CELF2: variants seen among roughly 807,000 people sequenced by gnomAD.
CELF2 encodes CUGBP Elav-like family member 2, also known as CUG triplet repeat RNA-binding protein 2.
In CELF2, 8 loss-of-function variants were observed where a neutral mutation model predicts 62.6. That is an observed-to-expected ratio of 0.13 (90% CI 0.07 to 0.23). The LOEUF is 0.23. CELF2 is among the 10% of genes least tolerant of loss of function. CELF2 has a pLI of 1.00. For missense variants in CELF2, 333 were observed against 671.0 expected, an observed-to-expected ratio of 0.50 and a Z score of 5.56; for synonymous variants, 258 against 250.0, an observed-to-expected ratio of 1.03 and a Z score of -0.30.
intron 1 of CELF2, among the ~76,000 whole-genome samples, chr10:10,879,698 T>C (rs374847800): frequency 6.6e-6 from 1 of 152,220 alleles, no homozygotes; most frequent in African/African-American, 2.4e-5. Context: ...TACCTTGTAT[T>C]ATTGTGCCTT....
At chr10:10,664,874 C>T in the CELF2 span, among the ~76,000 whole-genome samples, 32 of 152,110 alleles carry the variant, frequency 2.1e-4, no homozygotes, top group Non-Finnish European at 4.1e-4. Flanking sequence ...ATTTTGCAAT[C>T]GCAAAGAGGT....
intron 1 of CELF2, among the ~76,000 whole-genome samples, chr10:10,849,148 G>C (rs2059210129): frequency 6.6e-6 from 1 of 151,816 alleles, no homozygotes; most frequent in African/African-American, 2.4e-5. Flanking sequence ...TGTAATTCCA[G>C]CACTTTGGAA....
the CELF2 span, among the ~76,000 whole-genome samples, chr10:10,628,113 A>G: frequency 6.6e-6 from 1 of 152,018 alleles, no homozygotes; most frequent in Non-Finnish European, 1.5e-5. Context: ...GTGTTGGCCA[A>G]GCTGGTCTCA....
the CELF2 span, among the ~76,000 whole-genome samples, chr10:10,534,101 T>C: frequency 2.0e-5 from 3 of 146,678 alleles, no homozygotes; most frequent in Non-Finnish European, 4.5e-5. Context: ...TTGAGAGTAA[T>C]CAAAAAAGAT....
At chr10:11,197,025 A>AAAGAAGGAAGGAAGG in intron 2 of CELF2, among the ~76,000 whole-genome samples, 1 of 26,130 alleles carries the variant, frequency 3.8e-5, no homozygotes, top group African/African-American at 1.8e-4. Flanking sequence ...AGAAAGAAAG[A>AAAGAAGGAAGGAAGG]AAAGAAAGAA....
At position 11,290,760 on chromosome 10, in the gene CELF2, G is replaced by A. The variant is rs550133708; in HGVS notation, c.976+2208G>A. On this transcript the variant is annotated intron_variant, in intron 9 of 12. Transcript: ENST00000633077. The surrounding 1 kb of genome is among the most constrained non-coding windows in gnomAD (Gnocchi z 4.3). ...TCTTGCCCTTCAGAACACGCCGCTC[G>A]CTTAGGTGTCACTGAGAGCGATTTT... 7.2e-5 allele frequency among the ~76,000 whole-genome samples: 11 copies of A among 152,126 alleles called. No individual in the cohort carries two copies. The highest frequency in any genetic ancestry group is 1.3e-4 in the Non-Finnish European group (9 of 68,022).
the CELF2 span, among the ~76,000 whole-genome samples, chr10:10,653,536 T>C: frequency 6.8e-4 from 92 of 135,016 alleles, 1 homozygote; most frequent in South Asian, 0.014. Context: ...CACAGTGCAA[T>C]CAAACTAGAA....
At chr10:10,590,170 C>T in the CELF2 span, among the ~76,000 whole-genome samples, 2 of 152,206 alleles carry the variant, frequency 1.3e-5, no homozygotes, top group Non-Finnish European at 2.9e-5. Flanking sequence ...TGCACACACA[C>T]ACACACACAG....
chr10:10,845,712 A>G (rs2058971095), intron 1 of CELF2, among the ~76,000 whole-genome samples: 1 of 152,180 alleles, frequency 6.6e-6, no homozygotes, highest in Non-Finnish European at 1.5e-5. Flanking sequence ...TCAGTTATAC[A>G]GAAAAAATAA....
At chr10:10,910,612 A>T (rs1484779277) in intron 1 of CELF2, among the ~76,000 whole-genome samples, 1 of 146,986 alleles carries the variant, frequency 6.8e-6, no homozygotes. Context: ...AGGCAAGAGA[A>T]TCGCTTGAAC....
At chr10:10,572,891 G>A in the CELF2 span, among the ~76,000 whole-genome samples, 1 of 152,108 alleles carries the variant, frequency 6.6e-6, no homozygotes, top group Non-Finnish European at 1.5e-5. Context: ...TGGGATTGCT[G>A]GGTCAAATGG....
intron 1 of CELF2, among the ~76,000 whole-genome samples, chr10:11,087,028 G>A (rs2046999309): frequency 6.6e-6 from 1 of 152,060 alleles, no homozygotes; most frequent in Non-Finnish European, 1.5e-5. Context: ...AGAGACTTAG[G>A]GCCACAGGAG....
chr10:10,777,531 C>G, the CELF2 span, among the ~76,000 whole-genome samples: 1 of 152,126 alleles, frequency 6.6e-6, no homozygotes. Flanking sequence ...TTTCTGTTTA[C>G]TCTTTTCTCC....
In CELF2 at chr10:11,157,465, C is replaced by A. The variant is rs937244165; in HGVS notation, c.75-8021C>A. On this transcript the variant is annotated intron_variant, in intron 1 of 12. Coordinates refer to ENST00000633077, the MANE Select transcript of CELF2 (RefSeq NM_001326342.2). This position sits in a 1 kb window ranked among gnomAD's most constrained non-coding sequence, Gnocchi z 4.9. ...GCAGCATAGTTCAGAATGCCAAATG[C>A]CCAATCCCCTTGGCTTAATGAGTCA... 3.9e-5 allele frequency among the ~76,000 whole-genome samples: 6 copies of A among 152,154 alleles called. No homozygotes were observed. Among genetic ancestry groups the A allele is most frequent in the Admixed American group, 6.5e-5 (1 of 15,270 alleles).
At chr10:11,111,682 G>T (rs147864909) in intron 1 of CELF2, among the ~76,000 whole-genome samples, 1 of 152,192 alleles carries the variant, frequency 6.6e-6, no homozygotes, top group Non-Finnish European at 1.5e-5. Context: ...GGTTAGAGAT[G>T]AAATACGATT....
At chr10:11,059,743 G>C (rs1262859479) in intron 1 of CELF2, among the ~76,000 whole-genome samples, 1 of 152,178 alleles carries the variant, frequency 6.6e-6, no homozygotes, top group Non-Finnish European at 1.5e-5. Context: ...TCAGGCACTG[G>C]AAGAGTGAAG....
intron 1 of CELF2, among the ~76,000 whole-genome samples, chr10:11,021,223 G>T (rs886073669): frequency 2.0e-5 from 3 of 152,136 alleles, no homozygotes; most frequent in Non-Finnish European, 2.9e-5. Context: ...AGCTTAAAAA[G>T]CATTAGGTGT....
the CELF2 span, among the ~76,000 whole-genome samples, chr10:10,712,431 G>A: frequency 1.3e-5 from 2 of 152,130 alleles, no homozygotes; most frequent in Admixed American, 6.5e-5. Context: ...ATCACCGGTT[G>A]TAGGCCATTT....
At chr10:10,847,139 A>C (rs2059064915) in intron 1 of CELF2, among the ~76,000 whole-genome samples, 1 of 151,808 alleles carries the variant, frequency 6.6e-6, no homozygotes, top group Non-Finnish European at 1.5e-5. Flanking sequence ...AGATATAGTA[A>C]TATCTATTTA....
Sources: gnomAD v4.1 joint callset for allele counts (sites outside exome capture counted in the v4.1 genomes callset) on GRCh38, gnomAD v4.1.1 for gene constraint, Gnocchi (gnomAD v3.1) non-coding constraint, MANE v1.5 for transcripts, NCBI Gene and HGNC (gene_info 2026-07-23, HGNC 2026-07-21) for gene names.